ENY2: variants seen among roughly 807,000 people sequenced by gnomAD.
The protein encoded by ENY2 is transcription and mRNA export factor ENY2.
A neutral mutation model predicts 15.9 loss-of-function variants in ENY2; 4 were observed. The observed-to-expected ratio is 0.25, with a 90% CI of 0.12 to 0.57. The LOEUF is 0.57. Ranked by LOEUF, ENY2 falls within the 20% of genes least tolerant of loss-of-function variation. The probability of loss-of-function intolerance (pLI) is 0.91; values close to 1 mark genes in which losing one functional copy is unlikely to be tolerated. For missense variants in ENY2, 54 were observed against 117.2 expected (o/e 0.46, Z 2.49); for synonymous variants, 48 against 38.0 (o/e 1.26, Z -0.97).
chr8:109,334,409 A>G lies in ENY2; in HGVS notation c.-60A>G. On this transcript the variant is annotated 5_prime_UTR_variant, in exon 1 of 5. Transcript: ENST00000521688. ...CGGGCAGCCGAAGAGTGTGGTAGGT[A>G]ACGGTCCTCAGCGCAAGGGTCATTT... 8.7e-6 allele frequency: 14 copies of G among 1,612,960 alleles called. No homozygotes were observed. The highest frequency in any genetic ancestry group is 1.2e-5 in the Non-Finnish European group (14 of 1,179,476).
chr8:109,341,718 CTGT>C (rs1415382852), intron 4 of ENY2, among the ~76,000 whole-genome samples: 2 of 152,110 alleles, frequency 1.3e-5, no homozygotes, highest in Non-Finnish European at 2.9e-5. Flanking sequence ...AGTCTTCTTA[CTGT>C]TGTTAAGAGA....
chr8:109,344,645 T>C lies in ENY2; in HGVS notation c.*1164T>C, dbSNP rs1373272991. ...TATATAGATTATCTGAGGAGCTTAC[T>C]GAAATGCTGATTCTGAAGATAAGGG... On this transcript the variant is annotated 3_prime_UTR_variant, in exon 5 of 5. Transcript: ENST00000521688. 2 of 152,218 alleles carry C rather than the reference T, an allele frequency of 1.3e-5. No individual in the cohort carries two copies. Among genetic ancestry groups the C allele is most frequent in the African/African-American group, 4.8e-5 (2 of 41,466 alleles). The allele number at this position is 152,218 out of a possible 1,614,324, so 9.4% of individuals were successfully genotyped here.
At chr8:109,341,530 CTG>C (rs1816111807) in intron 4 of ENY2, among the ~76,000 whole-genome samples, 1 of 151,990 alleles carries the variant, frequency 6.6e-6, no homozygotes, top group Admixed American at 6.6e-5. Context: ...TTGTTTTCTT[CTG>C]TGACTTACAC....
intron 4 of ENY2, among the ~76,000 whole-genome samples, chr8:109,341,467 A>G (rs919202431): frequency 2.0e-5 from 3 of 152,058 alleles, no homozygotes; most frequent in Non-Finnish European, 2.9e-5. Flanking sequence ...AAAAAAAATT[A>G]TTATTCCCCT....
chr8:109,340,251 T>G, intron 3 of ENY2: 2 of 488,212 alleles, frequency 4.1e-6, no homozygotes, highest in Non-Finnish European at 7.3e-6. Context: ...CTAAATTTAT[T>G]GTAAGTGTCA....
chr8:109,342,812 A>G (rs1816151828), intron 4 of ENY2: 1 of 639,240 alleles, frequency 1.6e-6, no homozygotes, highest in South Asian at 1.7e-5. Flanking sequence ...CCAACACAGT[A>G]TATTATTGAC....
intron 4 of ENY2, chr8:109,340,785 A>G: frequency 2.1e-6 from 1 of 465,524 alleles, no homozygotes; most frequent in East Asian, 3.6e-5. Context: ...GCACCAATGC[A>G]AGTTGATACA....
rs1355847820 is a variant in ENY2 at position 109,336,132 on chromosome 8, G to A, written c.11G>A (p.Ser4Asn). The A allele has an allele frequency of 1.2e-6, 2 of 1,613,254 alleles. No individual in the cohort carries two copies. Among genetic ancestry groups the A allele is most frequent in the Non-Finnish European group, 1.7e-6 (2 of 1,179,500 alleles). MVV[S>N]KMNKDAQMRA... ...AAAGTACATGTTGATGTCCAGGTTA[G>A]CAAGATGAACAAAGATGCGCAGATG... Residue 4 changes from serine to asparagine, a missense_variant, in exon 2 of 5, where the codon AGC becomes AAC. Transcript: ENST00000521688.
chr8:109,336,748 A>G (rs1815993625), intron 2 of ENY2, among the ~76,000 whole-genome samples: 1 of 152,250 alleles, frequency 6.6e-6, no homozygotes, highest in Non-Finnish European at 1.5e-5. Flanking sequence ...ATCCTCCAGT[A>G]TAATCTAAGT....
Position 109,343,416 on chromosome 8 carries a change from G to A in ENY2, c.241G>A (p.Asp81Asn). The change falls in exon 5 of 5, where the codon GAC (aspartate) becomes AAC (asparagine). Residue 81 changes from aspartate to asparagine, a missense_variant. Asp to Asn is a conservative substitution (Grantham distance 23). Transcript: ENST00000521688. ...TTTTTGTTTTTCAGCCCTGGTACCTGACAGTGTAAAGAAGGAGCTCCTACA... is the reference window on the plus strand; with the variant it reads ...TTTTTGTTTTTCAGCCCTGGTACCTAACAGTGTAAAGAAGGAGCTCCTACA... The part of the protein sequence containing the change: ...ITPKGRALVP[D>N]SVKKELLQRI... The A allele has an allele frequency of 6.2e-7, 1 of 1,610,444 alleles. No individual in the cohort carries two copies. Among genetic ancestry groups the A allele is most frequent in the Non-Finnish European group, 8.5e-7 (1 of 1,178,672 alleles).
At chr8:109,343,270 A>T in intron 4 of ENY2, 135 bp from the exon 5 acceptor site, 1 of 612,992 alleles carries the variant, frequency 1.6e-6, no homozygotes, top group African/African-American at 2.0e-5. Flanking sequence ...AGATAACTTT[A>T]CCTTTTTTTT....
rs1304572455 is a variant in ENY2 at position 109,345,041 on chromosome 8, T to G, written c.*1560T>G. On this transcript the variant is annotated 3_prime_UTR_variant, in exon 5 of 5. Coordinates refer to ENST00000521688, the MANE Select transcript of ENY2 (RefSeq NM_020189.6). ...AAAGAATCCCCACTATGAAGTTGTT[T>G]CATCCGTAAGTACCTTTGAACCCAG... 6 of 152,218 alleles carry G rather than the reference T, an allele frequency of 3.9e-5. No individual in the cohort carries two copies. The highest frequency in any genetic ancestry group is 1.4e-4 in the African/African-American group (6 of 41,442). 9.4% of individuals were successfully genotyped at this position (152,218 alleles called of 1,614,324 possible).
At chr8:109,336,413 A>G (rs1815986790) in intron 2 of ENY2, 2 of 516,288 alleles carry the variant, frequency 3.9e-6, no homozygotes, top group Non-Finnish European at 6.9e-6. Context: ...GATGAGCAAG[A>G]TATGGCTCTT....
chr8:109,336,308 T>C (rs1394543289), intron 2 of ENY2, 104 bp downstream of exon 2: 1 of 1,010,010 alleles, frequency 9.9e-7, no homozygotes, highest in African/African-American at 1.6e-5. Context: ...AGAATTACAA[T>C]TGAGATTATA....
intron 2 of ENY2, chr8:109,336,552 G>A (rs1815989608): frequency 5.3e-6 from 1 of 190,466 alleles, no homozygotes; most frequent in Admixed American, 6.0e-5. Context: ...CAACCTTGGA[G>A]CAGCAAGTGC....
rs745656878 is a variant in ENY2, at chr8:109,336,213, T to C, written c.83+9T>C. ...ACTGGAGAAAGAGAACGGTAAGTAATAGATTGTGTTAATAAATTACATTTC... is the reference window on the plus strand; with the variant it reads ...ACTGGAGAAAGAGAACGGTAAGTAACAGATTGTGTTAATAAATTACATTTC... On this transcript the variant is annotated intron_variant, in intron 2 of 4. Coordinates refer to ENST00000521688, the MANE Select transcript of ENY2 (RefSeq NM_020189.6). 1 of 1,606,854 alleles carries C rather than the reference T, an allele frequency of 6.2e-7. No homozygotes were observed. Among genetic ancestry groups the C allele is most frequent in the East Asian group, 2.2e-5 (1 of 44,524 alleles).
rs1816215364 is a variant in ENY2, at chr8:109,345,121, T to A, written c.*1640T>A. The A allele has an allele frequency of 6.6e-6, 1 of 152,210 alleles. No individual in the cohort carries two copies. The highest frequency in any genetic ancestry group is 2.4e-5 in the African/African-American group (1 of 41,456). 9.4% of individuals were successfully genotyped at this position (152,210 alleles called of 1,614,324 possible). A position where few individuals can be genotyped will look rare whatever the true frequency, so the allele number is the denominator to read the frequency against. On this transcript the variant is annotated 3_prime_UTR_variant, in exon 5 of 5. Coordinates refer to ENST00000521688, the MANE Select transcript of ENY2 (RefSeq NM_020189.6). ...CTGTTTGCCCTTCAGAGTTCAGCTT[T>A]AGTTGCTAAAACATTCAGACATCCC... is the stretch of plus-strand genomic sequence containing the variant.
rs1816172803 is a variant in ENY2, at chr8:109,343,740, A to G, written c.*259A>G. 1 of 396,656 alleles carries G rather than the reference A, an allele frequency of 2.5e-6. No homozygotes were observed. The highest frequency in any genetic ancestry group is 3.8e-5 in the South Asian group (1 of 26,546). 24.6% of individuals were successfully genotyped at this position (396,656 alleles called of 1,614,324 possible). On this transcript the variant is annotated 3_prime_UTR_variant, in exon 5 of 5. Coordinates refer to ENST00000521688, the MANE Select transcript of ENY2 (RefSeq NM_020189.6). ...TAATTCACCAAATTTGTTGAGCGCA[A>G]AAGCAATTAATGTAGTTTAAGTATT...
At chr8:109,342,923 CCTTTT>C (rs374823730) in intron 4 of ENY2, 9 of 492,882 alleles carry the variant, frequency 1.8e-5, no homozygotes, top group African/African-American at 8.2e-5. Flanking sequence ...CAAAAACTCT[CCTTTT>C]CTTCATCTCT....
Sources: gnomAD v4.1 joint callset for allele counts (sites outside exome capture counted in the v4.1 genomes callset) on GRCh38, gnomAD v4.1.1 for gene constraint, MANE v1.5 for transcripts, NCBI Gene and HGNC (gene_info 2026-07-23, HGNC 2026-07-21) for gene names.